The following MYBL1 variants were observed in gnomAD, a reference collection of about 807,000 sequenced individuals.
MYBL1 encodes MYB proto-oncogene like 1, also known as myb-related protein A.
MYBL1 carries 17 observed loss-of-function variants against 96.3 expected under a neutral mutation model. The ratio of observed to expected loss-of-function variants is 0.18; its 90% confidence interval spans 0.12 to 0.26. MYBL1 has a LOEUF of 0.26. Among genes scored for constraint, MYBL1 ranks in the 10% least tolerant of loss-of-function variants. The pLI is 1.00. For synonymous variants in MYBL1, 282 were observed against 292.7 expected, an observed-to-expected ratio of 0.96 and a Z score of 0.37; for missense variants, 701 against 882.9, an observed-to-expected ratio of 0.79 and a Z score of 2.61.
Position 66,566,608 on chromosome 8 carries a change from C to T in MYBL1, c.1950+76G>A, listed in dbSNP as rs906668418. On this transcript the variant is annotated intron_variant, in intron 14 of 15. Coordinates refer to ENST00000522677, the MANE Select transcript of MYBL1 (RefSeq NM_001080416.4). ...ATGAATTTCTAATGAACTGGCTACA[C>T]AATGAGTAAGAAATAAGAACCTCTA... 20 of 960,882 alleles carry T rather than the reference C, an allele frequency of 2.1e-5. No homozygotes were observed. In the African/African-American group the frequency reaches 3.3e-4, roughly 16 times the overall value. 59.5% of individuals were successfully genotyped at this position (960,882 alleles called of 1,614,324 possible).
In MYBL1 at chr8:66,612,710, C is replaced by T. The variant is rs972257750; in HGVS notation, c.20+109G>A. 1.3e-4 allele frequency: 159 copies of T among 1,244,126 alleles called. 1 individual carries two copies. In the Admixed American group the frequency reaches 4.9e-3, roughly 39 times the overall value. 77.1% of individuals were successfully genotyped at this position (1,244,126 alleles called of 1,614,324 possible). Reference sequence around the variant, plus strand: ...GCCGCGGGGACGCGGGAAGAAAAACCTCTGCCCTCGCCAGGGAGGGCCTTA... The same window carrying T: ...GCCGCGGGGACGCGGGAAGAAAAACTTCTGCCCTCGCCAGGGAGGGCCTTA... On this transcript the variant is annotated intron_variant, in intron 1 of 15. Transcript: ENST00000522677.
intron 8 of MYBL1, among the ~76,000 whole-genome samples, chr8:66,584,493 T>A (rs958696566): frequency 6.6e-6 from 1 of 152,170 alleles, no homozygotes; most frequent in Non-Finnish European, 1.5e-5. Context: ...ATAAAGCTCC[T>A]CTAAAAAAAC....
In MYBL1 at chr8:66,606,358, G is replaced by A. The variant is rs546670224; in HGVS notation, c.21-3835C>T. Among the ~76,000 whole-genome samples, 4 of 152,286 alleles carry A rather than the reference G, an allele frequency of 2.6e-5. No homozygotes were observed. In the South Asian group the frequency reaches 8.3e-4, roughly 32 times the overall value. ...AATATTAGTATTACGTGCATAGGCT[G>A]ATCACCTAATAGTATTCAAAATTAT... On this transcript the variant is annotated intron_variant, in intron 1 of 15. Coordinates refer to ENST00000522677, the MANE Select transcript of MYBL1 (RefSeq NM_001080416.4).
intron 8 of MYBL1, among the ~76,000 whole-genome samples, chr8:66,581,449 G>C (rs1244596138): frequency 6.6e-6 from 1 of 152,162 alleles, no homozygotes; most frequent in African/African-American, 2.4e-5. Context: ...AGTCAAGGCA[G>C]GCAGATTGCT....
At chr8:66,604,668 A>G (rs1810241441) in intron 1 of MYBL1, among the ~76,000 whole-genome samples, 1 of 152,210 alleles carries the variant, frequency 6.6e-6, no homozygotes, top group Non-Finnish European at 1.5e-5. Flanking sequence ...AAATGTGACA[A>G]AAATCTGGAA....
intron 8 of MYBL1, among the ~76,000 whole-genome samples, chr8:66,590,753 T>C (rs1031779939): frequency 2.0e-5 from 3 of 152,082 alleles, no homozygotes; most frequent in Admixed American, 6.5e-5. Context: ...TTAAAAATGT[T>C]ATTTAAAGGA....
chr8:66,570,798 T>A (rs1808698078), intron 12 of MYBL1, among the ~76,000 whole-genome samples: 1 of 152,228 alleles, frequency 6.6e-6, no homozygotes, highest in Admixed American at 6.5e-5. Context: ...ATATATACAT[T>A]TACTTGGTTA....
intron 8 of MYBL1, among the ~76,000 whole-genome samples, chr8:66,591,101 C>A (rs889957640): frequency 6.6e-6 from 1 of 152,148 alleles, no homozygotes; most frequent in African/African-American, 2.4e-5. Flanking sequence ...CTAATCCCAG[C>A]ACTTTGGGAG....
At position 66,572,572 on chromosome 8, in the gene MYBL1, T is replaced by G; in HGVS notation, c.1638A>C (p.Arg546Ser). Residue 546 changes from arginine to serine, a missense_variant, in exon 12 of 16, where the codon AGA becomes AGC. Arg to Ser is a moderately radical substitution (Grantham distance 110, BLOSUM62 -1). Around this residue, in one of 5 missense-constraint regions of MYBL1, gnomAD observed 63 missense variants for 109.2 expected, o/e 0.58. Coordinates refer to ENST00000522677, the MANE Select transcript of MYBL1 (RefSeq NM_001080416.4). ...NVGFRTPTIR[R>S]SILGTTPRTP... Reference sequence around the variant, plus strand: ...TTCTTGGTGTGGTACCCAGTATAGATCTTCTAATAGTAGGTGTTCTAAACC... The same window carrying G: ...TTCTTGGTGTGGTACCCAGTATAGAGCTTCTAATAGTAGGTGTTCTAAACC... 2.5e-6 allele frequency: 4 copies of G among 1,582,432 alleles called. No individual in the cohort carries two copies. Among genetic ancestry groups the G allele is most frequent in the Non-Finnish European group, 3.5e-6 (4 of 1,156,872 alleles).
At chr8:66,603,732 T>C (rs1810198546) in intron 1 of MYBL1, among the ~76,000 whole-genome samples, 1 of 152,008 alleles carries the variant, frequency 6.6e-6, no homozygotes, top group Admixed American at 6.5e-5. Context: ...ACTCCTGAGC[T>C]CAAGTGATCC....
At chr8:66,576,402 G>A (rs749302927) in intron 9 of MYBL1, 27 bp from the exon 10 acceptor site, 8 of 1,568,352 alleles carry the variant, frequency 5.1e-6, no homozygotes, top group Non-Finnish European at 6.9e-6. Context: ...TGTTAATAAA[G>A]TTAATGCTGT....
In MYBL1 at chr8:66,563,921, C is replaced by T. The variant is rs970772834; in HGVS notation, c.*776G>A. 3.9e-5 allele frequency: 6 copies of T among 152,154 alleles called. No individual in the cohort carries two copies. Among genetic ancestry groups the T allele is most frequent in the Non-Finnish European group, 5.9e-5 (4 of 67,840 alleles). 9.4% of individuals were successfully genotyped at this position (152,154 alleles called of 1,614,324 possible). On this transcript the variant is annotated 3_prime_UTR_variant, in exon 16 of 16. Coordinates refer to ENST00000522677, the MANE Select transcript of MYBL1 (RefSeq NM_001080416.4). ...GAAACAACATTGGCTTCTAGGCACC[C>T]TGTATACGTATAAATATCTACATTT...
intron 5 of MYBL1, among the ~76,000 whole-genome samples, chr8:66,596,906 A>C (rs1036376881): frequency 1.9e-4 from 29 of 152,304 alleles, no homozygotes; most frequent in Middle Eastern, 3.4e-3. Flanking sequence ...AATTTTCCCC[A>C]ACACACTTTC....
chr8:66,612,840 C>T lies in MYBL1; in HGVS notation c.-2G>A, dbSNP rs775057151. 7.3e-7 allele frequency: 1 copy of T among 1,373,056 alleles called. No individual in the cohort carries two copies. Among genetic ancestry groups the T allele is most frequent in the South Asian group, 2.0e-5 (1 of 49,968 alleles). 85.1% of individuals were successfully genotyped at this position (1,373,056 alleles called of 1,614,324 possible). A position where few individuals can be genotyped will look rare whatever the true frequency, so the allele number is the denominator to read the frequency against. ...CCACCTGCGCGACCTCTTCGCCATC[C>T]TTCAAGTACCGCATAGGAGCAGGCT... On this transcript the variant is annotated 5_prime_UTR_variant, in exon 1 of 16. Transcript: ENST00000522677.
chr8:66,575,924 C>T, intron 10 of MYBL1, 83 bp downstream of exon 10: 1 of 1,387,346 alleles, frequency 7.2e-7, no homozygotes, highest in Non-Finnish European at 9.8e-7. Context: ...ATCAAAGCTA[C>T]CAACTGCTAG....
intron 9 of MYBL1, among the ~76,000 whole-genome samples, chr8:66,579,901 A>G (rs1809130190): frequency 6.6e-6 from 1 of 152,248 alleles, no homozygotes; most frequent in South Asian, 2.1e-4. Flanking sequence ...GCACTTGTAT[A>G]ACTTATATAA....
In MYBL1 at chr8:66,601,752, C is replaced by T; in HGVS notation, c.144G>A (p.Lys48=). Residue 48 remains lysine, a synonymous_variant, in exon 3 of 16, where the codon AAG becomes AAA. Coordinates refer to ENST00000522677, the MANE Select transcript of MYBL1 (RefSeq NM_001080416.4). ...WTRDEDDKLK[K]LVEQHGTDDW... ...CATCAGTTCCATGTTGTTCAACCAA[C>T]TTCTTTAATTTATCATCCTATTAAA... 1 of 1,528,716 alleles carries T rather than the reference C, an allele frequency of 6.5e-7. No homozygotes were observed. The highest frequency in any genetic ancestry group is 8.9e-7 in the Non-Finnish European group (1 of 1,128,206). The allele number at this position is 1,528,716 out of a possible 1,614,324, so 94.7% of individuals were successfully genotyped here.
chr8:66,592,555 TTAAA>T lies in MYBL1; in HGVS notation c.763-15_763-12del. 6.6e-7 allele frequency: 1 copy of T among 1,508,414 alleles called. No homozygotes were observed. Among genetic ancestry groups the T allele is most frequent in the Non-Finnish European group, 9.0e-7 (1 of 1,110,996 alleles). 93.4% of individuals were successfully genotyped at this position (1,508,414 alleles called of 1,614,324 possible). A position where few individuals can be genotyped will look rare whatever the true frequency, so the allele number is the denominator to read the frequency against. On this transcript the variant is annotated splice_polypyrimidine_tract_variant and intron_variant, in intron 7 of 15. Coordinates refer to ENST00000522677, the MANE Select transcript of MYBL1 (RefSeq NM_001080416.4). ...ATCAATGAAGGGTTGCTAAAATAAG[TTAAA>T]TAAAAGAGAAAACAGGATGCTTATA...
chr8:66,584,264 C>A (rs961906818), intron 8 of MYBL1, among the ~76,000 whole-genome samples: 2 of 152,126 alleles, frequency 1.3e-5, no homozygotes, highest in African/African-American at 2.4e-5. Flanking sequence ...CAGCCAACAT[C>A]ATACTGAACA....
Sources: gnomAD v4.1 joint callset for allele counts (sites outside exome capture counted in the v4.1 genomes callset) on GRCh38, gnomAD v4.1.1 for gene constraint, gnomAD v4.1.1 regional missense constraint, MANE v1.5 for transcripts, NCBI Gene and HGNC (gene_info 2026-07-23, HGNC 2026-07-21) for gene names.